RYR3: variants seen among roughly 807,000 people sequenced by gnomAD.
The protein encoded by RYR3 is brain ryanodine receptor-calcium release channel.
RYR3 carries 207 observed loss-of-function variants against 584.3 expected under a neutral mutation model. The ratio of observed to expected loss-of-function variants is 0.35; its 90% CI spans 0.32 to 0.40. The LOEUF is 0.40. Ranked by LOEUF, RYR3 falls within the 10% of genes least tolerant of loss-of-function variation. RYR3 has a pLI of 1.00. For synonymous variants in RYR3, 2,416 were observed against 2,248.5 expected, an observed-to-expected ratio of 1.07 and a Z score of -2.11; for missense variants, 5,616 against 6,089.2, an observed-to-expected ratio of 0.92 and a Z score of 2.59.
chr15:33,744,258 CT>C (rs2070454585), intron 52 of RYR3, among the ~76,000 whole-genome samples: 1 of 152,174 alleles, frequency 6.6e-6, no homozygotes, highest in Non-Finnish European at 1.5e-5. Context: ...TTTCATAGTA[CT>C]TTCGTAGCAC....
At chr15:33,739,140 G>C (rs1342256583) in intron 50 of RYR3, among the ~76,000 whole-genome samples, 2 of 152,206 alleles carry the variant, frequency 1.3e-5, no homozygotes, top group Admixed American at 1.3e-4. Context: ...CTGACTCTTA[G>C]ACTTTGCTCC....
intron 59 of RYR3, among the ~76,000 whole-genome samples, chr15:33,756,852 C>T (rs16957945): frequency 0.045 from 6,828 of 152,128 alleles, 408 homozygotes; most frequent in African/African-American, 0.14. Context: ...CGATATGATA[C>T]CTTGAATGCC....
chr15:33,831,441 T>C (rs72715202), intron 86 of RYR3, among the ~76,000 whole-genome samples: 4,558 of 152,334 alleles, frequency 0.03, 82 homozygotes, highest in African/African-American at 0.043. Flanking sequence ...TCAGTAAGCA[T>C]GGAGAGTGGA....
At chr15:33,843,246 G>A (rs977390910) in intron 91 of RYR3, among the ~76,000 whole-genome samples, 2 of 152,070 alleles carry the variant, frequency 1.3e-5, no homozygotes, top group Non-Finnish European at 2.9e-5. Flanking sequence ...CATGAACCCG[G>A]GAGGTGGAGC....
intron 1 of RYR3, among the ~76,000 whole-genome samples, chr15:33,410,933 G>A (rs1201140195): frequency 6.6e-6 from 1 of 152,190 alleles, no homozygotes; most frequent in Non-Finnish European, 1.5e-5. Context: ...GCTTGTGCAA[G>A]GGAACTCACA....
At chr15:33,494,343 C>A (rs1453476698) in intron 2 of RYR3, among the ~76,000 whole-genome samples, 2 of 152,186 alleles carry the variant, frequency 1.3e-5, no homozygotes, top group Non-Finnish European at 2.9e-5. Flanking sequence ...ACATGATCAA[C>A]TTATTCCAAC....
intron 67 of RYR3, among the ~76,000 whole-genome samples, chr15:33,794,129 T>TACA (rs1194519159): frequency 5.9e-4 from 29 of 49,010 alleles, no homozygotes; most frequent in Middle Eastern, 0.012. Flanking sequence ...AAATATATAT[T>TACA]TATATATAAT....
intron 12 of RYR3, among the ~76,000 whole-genome samples, chr15:33,574,399 T>G (rs2058188310): frequency 1.3e-5 from 2 of 152,192 alleles, no homozygotes; most frequent in Admixed American, 1.3e-4. Flanking sequence ...AAATTGAGTT[T>G]CATACTGCCG....
At chr15:33,384,918 A>G (rs2041478878) in intron 1 of RYR3, among the ~76,000 whole-genome samples, 1 of 152,194 alleles carries the variant, frequency 6.6e-6, no homozygotes. Context: ...GGAATTTCCA[A>G]CACTATAGCG....
rs114085364 is a variant in RYR3 at position 33,847,956 on chromosome 15, C to T, written c.13498-335C>T. On this transcript the variant is annotated intron_variant, in intron 93 of 103. Transcript: ENST00000634891. Reference sequence around the variant, plus strand: ...TTCTAAATCTTGGTTCAACTCCAGCCGAGGAGCCTTAGGAGTCCTAACTCA... The same window carrying T: ...TTCTAAATCTTGGTTCAACTCCAGCTGAGGAGCCTTAGGAGTCCTAACTCA... Among the ~76,000 whole-genome samples the T allele has an allele frequency of 9.6e-3, 1,463 of 152,274 alleles. 30 individuals are homozygous for T. Among genetic ancestry groups the T allele is most frequent in the African/African-American group, 0.032 (1,328 of 41,536 alleles).
intron 1 of RYR3, among the ~76,000 whole-genome samples, chr15:33,386,937 A>G (rs1292985886): frequency 6.6e-6 from 1 of 151,990 alleles, no homozygotes; most frequent in Non-Finnish European, 1.5e-5. Flanking sequence ...AGCTCACTGC[A>G]AGCTCCGCCT....
intron 1 of RYR3, among the ~76,000 whole-genome samples, chr15:33,399,188 A>T (rs908290795): frequency 6.6e-6 from 1 of 152,208 alleles, no homozygotes; most frequent in East Asian, 1.9e-4. Context: ...TCATTTTTGA[A>T]ATGGAGCTAA....
At chr15:33,640,315 C>T (rs2061730214) in intron 27 of RYR3, among the ~76,000 whole-genome samples, 1 of 152,184 alleles carries the variant, frequency 6.6e-6, no homozygotes, top group South Asian at 2.1e-4. Flanking sequence ...CTGTTGTTTC[C>T]TTTGTTTTCT....
intron 44 of RYR3, 36 bp downstream of exon 44, chr15:33,722,931 G>A: frequency 6.6e-7 from 1 of 1,507,600 alleles, no homozygotes; most frequent in Middle Eastern, 1.8e-4. Flanking sequence ...CACAGATACG[G>A]TTGGTGAGCT....
At chr15:33,434,463 CAT>C (rs149606798) in intron 1 of RYR3, among the ~76,000 whole-genome samples, 21,837 of 152,136 alleles carry the variant, frequency 0.14, 1,728 homozygotes, top group East Asian at 0.34. Context: ...CATATTTCCA[CAT>C]GTCTAAAACT....
intron 1 of RYR3, among the ~76,000 whole-genome samples, chr15:33,369,580 A>ATCTG (rs372642829): frequency 0.015 from 2,321 of 151,656 alleles, 59 homozygotes; most frequent in African/African-American, 0.052. Flanking sequence ...TCATCTATCT[A>ATCTG]TCTGTCTGTC....
At chr15:33,542,920 A>T (rs371071462) in intron 7 of RYR3, among the ~76,000 whole-genome samples, 2 of 152,124 alleles carry the variant, frequency 1.3e-5, no homozygotes, top group African/African-American at 4.8e-5. Context: ...ATTTATTTGA[A>T]GACAAATGGG....
intron 75 of RYR3, among the ~76,000 whole-genome samples, chr15:33,818,295 T>A: frequency 6.6e-6 from 1 of 152,208 alleles, no homozygotes; most frequent in Admixed American, 6.5e-5. Flanking sequence ...CTATTCCCTT[T>A]ATGGGCAGCC....
At chr15:33,506,291 A>G (rs1596405862) in intron 3 of RYR3, among the ~76,000 whole-genome samples, 3 of 152,206 alleles carry the variant, frequency 2.0e-5, no homozygotes, top group South Asian at 4.1e-4. Context: ...TAATATAATT[A>G]TATATTTCAG....
Sources: gnomAD v4.1 joint callset for allele counts (sites outside exome capture counted in the v4.1 genomes callset) on GRCh38, gnomAD v4.1.1 for gene constraint, MANE v1.5 for transcripts, NCBI Gene and HGNC (gene_info 2026-07-23, HGNC 2026-07-21) for gene names.